Variants in ATP6V0E2 observed in about 807,000 individuals in gnomAD.
ATP6V0E2 encodes the protein ATPase H+ transporting V0 subunit e2, also known as V-type proton ATPase subunit e 2.
Under a neutral mutation model 11.5 loss-of-function variants are expected in ATP6V0E2, and 4 were observed. The ratio of observed to expected loss-of-function variants is 0.35; its 90% CI spans 0.17 to 0.80. The LOEUF (loss-of-function observed/expected upper bound fraction) is 0.80, where lower values mean the gene tolerates loss of function less well. Ranked by LOEUF, ATP6V0E2 falls within the 30% of genes least tolerant of loss-of-function variation. The probability of loss-of-function intolerance (pLI) is 0.53; values close to 1 mark genes in which losing one functional copy is unlikely to be tolerated. For missense variants in ATP6V0E2, 93 were observed against 113.5 expected (o/e 0.82, Z 0.82); for synonymous variants, 52 against 51.0 (o/e 1.02, Z -0.09).
intron 2 of ATP6V0E2, chr7:149,876,131 A>G (rs1207478819): frequency 4.4e-5 from 20 of 455,370 alleles, no homozygotes; most frequent in Non-Finnish European, 3.5e-5. Context: ...TAATCCCAGC[A>G]CTTTGGGAGG....
chr7:149,880,424 A>G lies in ATP6V0E2; in HGVS notation c.*1109A>G, dbSNP rs537939362. The G allele has an allele frequency of 6.6e-6, 1 of 152,534 alleles. No homozygotes were observed. The highest frequency in any genetic ancestry group is 2.1e-4 in the South Asian group (1 of 4,826). The allele number at this position is 152,534 out of a possible 1,614,324, so 9.4% of individuals were successfully genotyped here. ...CACTGGTGCTCCAGGGGAAGAAACG[A>G]CAGCCTCACTTCTGTATGGACTGCT... On this transcript the variant is annotated 3_prime_UTR_variant, in exon 4 of 4. Coordinates refer to ENST00000425642, the MANE Select transcript of ATP6V0E2 (RefSeq NM_145230.4).
Position 149,877,193 on chromosome 7 carries a change from T to G in ATP6V0E2, c.153-1485T>G, listed in dbSNP as rs989260803. ...GGTGCACACCATTGCACCCGGCTGT[T>G]AACTAATTAGATAATTGACAGGGTC... On this transcript the variant is annotated intron_variant, in intron 2 of 3. Transcript: ENST00000425642. Among the ~76,000 whole-genome samples, 10 of 152,080 alleles carry G rather than the reference T, an allele frequency of 6.6e-5. No individual in the cohort carries two copies. The East Asian group carries it at 1.9e-3, about 29-fold the overall frequency.
chr7:149,878,682 C>G lies in ATP6V0E2; in HGVS notation c.157C>G (p.Leu53Val), dbSNP rs529496525. Reference protein sequence around the residue: ...ATAVCCYLFWLIAILAQLNPL... With the variant: ...ATAVCCYLFWVIAILAQLNPL... The stretch of plus-strand genomic sequence containing the variant: ...ATGCTTTGCTGTCCCTGGCAGCTGG[C>G]TCATCGCCATCCTGGCGCAGCTGAA... Residue 53 changes from leucine (L) to valine (V), a missense_variant, in exon 3 of 4, where the codon CTC (leucine) becomes GTC (valine). Leu to Val is a conservative substitution (Grantham distance 32). Coordinates refer to ENST00000425642, the MANE Select transcript of ATP6V0E2 (RefSeq NM_145230.4). The G allele has an allele frequency of 1.9e-5, 31 of 1,611,314 alleles. No individual in the cohort carries two copies. In the African/African-American group the frequency reaches 2.7e-4, roughly 14 times the overall value.
chr7:149,875,586 C>A lies in ATP6V0E2; in HGVS notation c.105-12C>A. ...CTGCATTTGTTCTGACCCGTGTCCT[C>A]TTCTGCTGCAGAGTGATCATCACCA... On this transcript the variant is annotated splice_polypyrimidine_tract_variant and intron_variant, in intron 1 of 3. Coordinates refer to ENST00000425642, the MANE Select transcript of ATP6V0E2 (RefSeq NM_145230.4). The A allele has an allele frequency of 6.2e-7, 1 of 1,613,808 alleles. No homozygotes were observed. The highest frequency in any genetic ancestry group is 8.5e-7 in the Non-Finnish European group (1 of 1,179,788).
chr7:149,879,097 G>A, intron 3 of ATP6V0E2: 2 of 1,390,070 alleles, frequency 1.4e-6, no homozygotes, highest in South Asian at 1.8e-5. Flanking sequence ...CTTCCTGCCT[G>A]GCCTGTGTTG....
rs748388310 is a variant in ATP6V0E2, at chr7:149,879,704, G to T, written c.*389G>T. 2 of 1,376,260 alleles carry T rather than the reference G, an allele frequency of 1.5e-6. No individual in the cohort carries two copies. The highest frequency in any genetic ancestry group is 6.5e-5 in the Admixed American group (2 of 30,830). 85.3% of individuals were successfully genotyped at this position (1,376,260 alleles called of 1,614,324 possible). ...GAGGACACGTGTCCTCATGGAGAGG[G>T]TGCTCCGGCCCAGGCGGGGGAGTCA... On this transcript the variant is annotated 3_prime_UTR_variant, in exon 4 of 4. Transcript: ENST00000425642.
At chr7:149,879,270 G>A (rs1474052366) in intron 3 of ATP6V0E2, 65 bp from the exon 4 acceptor site, 2 of 1,422,208 alleles carry the variant, frequency 1.4e-6, no homozygotes, top group Non-Finnish European at 9.2e-7. Flanking sequence ...GCTTTCCAGG[G>A]AGGGTTGGGG....
At chr7:149,875,996 A>G (rs1389887405) in intron 2 of ATP6V0E2, 2 of 524,210 alleles carry the variant, frequency 3.8e-6, no homozygotes, top group Non-Finnish European at 7.4e-6. Context: ...CCCTACACCC[A>G]TGAAATTACA....
Position 149,879,357 on chromosome 7 carries a change from G to A in ATP6V0E2, c.*42G>A. The stretch of plus-strand genomic sequence containing the variant: ...CAGGTGCCCAGCTCTCGGAATGACT[G>A]TGGCTCCACTGTCCCTGACAACCCC... On this transcript the variant is annotated 3_prime_UTR_variant, in exon 4 of 4. Coordinates refer to ENST00000425642, the MANE Select transcript of ATP6V0E2 (RefSeq NM_145230.4). 1.9e-6 allele frequency: 3 copies of A among 1,556,544 alleles called. No homozygotes were observed. The highest frequency in any genetic ancestry group is 1.7e-6 in the Non-Finnish European group (2 of 1,149,126).
In ATP6V0E2 at chr7:149,875,643, C is replaced by T; in HGVS notation, c.150C>T (p.Leu50=). 9 of 1,613,634 alleles carry T rather than the reference C, an allele frequency of 5.6e-6. 1 individual carries two copies. The highest frequency in any genetic ancestry group is 8.5e-7 in the Non-Finnish European group (1 of 1,179,702). ...MLVATAVCCY[L]FWLIAILAQL... is the part of the protein sequence containing the mutation. Reference sequence around the variant, plus strand: ...TCGCCACCGCCGTCTGCTGTTACCTCTTGTAAGTACTACTCTCCCCAGCTC... The same window carrying T: ...TCGCCACCGCCGTCTGCTGTTACCTTTTGTAAGTACTACTCTCCCCAGCTC... The change falls in exon 2 of 4, where the codon CTC becomes CTT. Residue 50 remains leucine (L), a splice_region_variant and synonymous_variant. Coordinates refer to ENST00000425642, the MANE Select transcript of ATP6V0E2 (RefSeq NM_145230.4).
intron 2 of ATP6V0E2, chr7:149,876,012 C>T (rs1486379841): frequency 1.2e-5 from 6 of 488,666 alleles, no homozygotes; most frequent in Non-Finnish European, 2.0e-5. Flanking sequence ...TTACAACTCT[C>T]GAGATCTGCA....
chr7:149,873,839 G>C, upstream of ATP6V0E2: 1 of 1,441,968 alleles, frequency 6.9e-7, no homozygotes, highest in Non-Finnish European at 9.1e-7. Context: ...ATTTCTCTCT[G>C]TCCGCGGCCC....
chr7:149,873,948 C>G (rs207468794), upstream of ATP6V0E2: 3 of 1,542,242 alleles, frequency 1.9e-6, no homozygotes, highest in African/African-American at 1.4e-5. Flanking sequence ...CCCGGCTGAT[C>G]GCTTCGGGTG....
Position 149,878,754 on chromosome 7 carries a change from C to T in ATP6V0E2, c.229C>T (p.Arg77Cys), listed in dbSNP as rs570061729. The change falls in exon 3 of 4, where the codon CGC (arginine) becomes TGC (cysteine). Residue 77 changes from arginine (R) to cysteine (C), a missense_variant. Arg to Cys is a radical substitution (Grantham distance 180, BLOSUM62 -3). Coordinates refer to ENST00000425642, the MANE Select transcript of ATP6V0E2 (RefSeq NM_145230.4). Reference sequence around the variant, plus strand: ...GAAGAATGAGACCATCTGGTACGTGCGCTTCCTGTGGGAGTGACCCGCCGC... The same window carrying T: ...GAAGAATGAGACCATCTGGTACGTGTGCTTCCTGTGGGAGTGACCCGCCGC... ...QLKNETIWYV[R>C]FLWE 1.4e-5 allele frequency: 22 copies of T among 1,613,154 alleles called. No individual in the cohort carries two copies. Among genetic ancestry groups the T allele is most frequent in the East Asian group, 2.2e-5 (1 of 44,856 alleles).
chr7:149,879,492 T>C lies in ATP6V0E2; in HGVS notation c.*177T>C. 6.3e-7 allele frequency: 1 copy of C among 1,593,470 alleles called. No individual in the cohort carries two copies. The highest frequency in any genetic ancestry group is 8.5e-7 in the Non-Finnish European group (1 of 1,170,424). ...GCCTGGTTCCTGGAAGTCTTCCCAG[T>C]CTTCCCAGCCAGCCCGGGCCCTGGG... On this transcript the variant is annotated 3_prime_UTR_variant, in exon 4 of 4. Coordinates refer to ENST00000425642, the MANE Select transcript of ATP6V0E2 (RefSeq NM_145230.4).
chr7:149,879,152 C>A (rs908517992), intron 3 of ATP6V0E2, 183 bp from the exon 4 acceptor site: 19 of 1,399,840 alleles, frequency 1.4e-5, no homozygotes, highest in Non-Finnish European at 1.7e-5. Context: ...CACCCCCCTC[C>A]CCCATCCTCA....
upstream of ATP6V0E2, chr7:149,873,677 G>GGAC: frequency 2.2e-6 from 1 of 456,250 alleles, no homozygotes; most frequent in East Asian, 3.7e-5. Flanking sequence ...GAAGGGCAGG[G>GGAC]GACGCCCCGA....
chr7:149,876,816 T>A (rs1803170597), intron 2 of ATP6V0E2, among the ~76,000 whole-genome samples: 1 of 152,186 alleles, frequency 6.6e-6, no homozygotes, highest in Non-Finnish European at 1.5e-5. Context: ...TTCAGAATAA[T>A]CAAAACAGGA....
At chr7:149,875,726 C>A in intron 2 of ATP6V0E2, 81 bp downstream of exon 2, 2 of 1,386,870 alleles carry the variant, frequency 1.4e-6, no homozygotes, top group Non-Finnish European at 2.0e-6. Flanking sequence ...CCTGCTCTTC[C>A]TTCTGTCCTG....
Sources: allele counts gnomAD v4.1 joint callset (sites outside exome capture counted in the v4.1 genomes callset), GRCh38; gene constraint gnomAD v4.1.1; transcripts MANE v1.5; gene names NCBI Gene and HGNC (gene_info 2026-07-23, HGNC 2026-07-21).